The following TEKT5 variants were observed in gnomAD, a reference collection of about 807,000 sequenced individuals.
TEKT5 encodes tektin-5.
TEKT5 carries 52 observed loss-of-function variants against 48.7 expected under a neutral mutation model. The observed-to-expected ratio is 1.07, with a 90% confidence interval of 0.86 to 1.35. The LOEUF (loss-of-function observed/expected upper bound fraction) is 1.35. Ranked by LOEUF, TEKT5 falls within the 40% of genes most tolerant of loss-of-function variation. TEKT5 has a pLI of 0.00. For missense variants in TEKT5, 831 were observed against 641.6 expected, an observed-to-expected ratio of 1.30 and a Z score of -3.19; for synonymous variants, 318 against 267.6, an observed-to-expected ratio of 1.19 and a Z score of -1.84.
At chr16:10,641,091 A>C (rs1897987917) in intron 5 of TEKT5, among the ~76,000 whole-genome samples, 1 of 152,208 alleles carries the variant, frequency 6.6e-6, no homozygotes, top group Middle Eastern at 3.2e-3. Context: ...TCCCACCAGC[A>C]GTATTCACGA....
At chr16:10,659,099 A>T (rs1028941929) in intron 5 of TEKT5, among the ~76,000 whole-genome samples, 6 of 152,138 alleles carry the variant, frequency 3.9e-5, no homozygotes, top group Non-Finnish European at 7.4e-5. Flanking sequence ...TACCCACTAA[A>T]TGCCAGTAGC....
At chr16:10,689,044 T>A (rs535982194) in intron 3 of TEKT5, among the ~76,000 whole-genome samples, 5 of 151,880 alleles carry the variant, frequency 3.3e-5, no homozygotes, top group Admixed American at 6.6e-5. Flanking sequence ...GCCACTGTGG[T>A]AACATTTACA....
Position 10,675,989 on chromosome 16 carries a change from C to A in TEKT5, c.1056G>T (p.Val352=). ...FNARISEVTD[V]KNKLQTQLAK... Reference sequence around the variant, plus strand: ...CCAGCTGCGTCTGCAGCTTATTCTTCACATCCGTCACCTCAGAGATGCGGG... The same window carrying A: ...CCAGCTGCGTCTGCAGCTTATTCTTAACATCCGTCACCTCAGAGATGCGGG... The change falls in exon 5 of 7, where the codon GTG becomes GTT. Residue 352 remains valine (V), a synonymous_variant. Coordinates refer to ENST00000283025, the MANE Select transcript of TEKT5 (RefSeq NM_144674.2). 1 of 1,614,218 alleles carries A rather than the reference C, an allele frequency of 6.2e-7. No individual in the cohort carries two copies.
At chr16:10,666,978 C>CTT (rs201657619) in intron 5 of TEKT5, among the ~76,000 whole-genome samples, 12,102 of 123,372 alleles carry the variant, frequency 0.098, 888 homozygotes, top group East Asian at 0.21. Flanking sequence ...TGGCTCCTTA[C>CTT]TTTTTTTTTT....
chr16:10,638,965 A>G (rs889528930), intron 5 of TEKT5, among the ~76,000 whole-genome samples: 2 of 152,200 alleles, frequency 1.3e-5, no homozygotes, highest in African/African-American at 4.8e-5. Context: ...TAGACTAGTG[A>G]TAAGTGACAA....
chr16:10,688,629 C>T (rs975582672), intron 3 of TEKT5, among the ~76,000 whole-genome samples: 28 of 152,194 alleles, frequency 1.8e-4, no homozygotes, highest in Admixed American at 9.8e-4. Flanking sequence ...GAGGCGGCTG[C>T]TTTCGGGGGA....
chr16:10,686,955 G>A (rs533923601), intron 3 of TEKT5, among the ~76,000 whole-genome samples: 24 of 152,262 alleles, frequency 1.6e-4, no homozygotes, highest in Middle Eastern at 3.4e-3. Flanking sequence ...AAGCCTATAG[G>A]ATATAATGTA....
intron 5 of TEKT5, among the ~76,000 whole-genome samples, chr16:10,655,860 C>A (rs1368698985): frequency 6.6e-6 from 1 of 152,120 alleles, no homozygotes; most frequent in African/African-American, 2.4e-5. Flanking sequence ...TACCATGAAG[C>A]CATCTTGCAA....
At chr16:10,688,253 G>A (rs570109076) in intron 3 of TEKT5, among the ~76,000 whole-genome samples, 1 of 152,278 alleles carries the variant, frequency 6.6e-6, no homozygotes, top group African/African-American at 2.4e-5. Context: ...CTTTCTAGGG[G>A]TCTCCAATGT....
At chr16:10,654,929 C>T (rs1278672646) in intron 5 of TEKT5, among the ~76,000 whole-genome samples, 1 of 56,954 alleles carries the variant, frequency 1.8e-5, no homozygotes, top group African/African-American at 6.5e-5. Flanking sequence ...CTGTCTCCCC[C>T]CCCTCCCCTC....
chr16:10,634,000 C>A (rs1252275221), intron 6 of TEKT5, among the ~76,000 whole-genome samples: 2 of 152,216 alleles, frequency 1.3e-5, no homozygotes, highest in Admixed American at 1.3e-4. Context: ...CTTCTCCTAA[C>A]TGATAGCTCT....
chr16:10,694,794 A>G lies in TEKT5; in HGVS notation c.80T>C (p.Val27Ala), dbSNP rs1899055269. 6.2e-7 allele frequency: 1 copy of G among 1,613,138 alleles called. No homozygotes were observed. Among genetic ancestry groups the G allele is most frequent in the Non-Finnish European group, 8.5e-7 (1 of 1,179,522 alleles). Reference protein sequence around the residue: ...KCCGLTSLPAVQAPVIQECYQ... With the variant: ...KCCGLTSLPAAQAPVIQECYQ... ...GCATTCCTGGATCACTGGCGCCTGT[A>G]CAGCTGGCAGTGAGGTCAAGCCACA... is the stretch of plus-strand genomic sequence containing the variant. Residue 27 changes from valine to alanine, a missense_variant, in exon 1 of 7, where the codon GTA becomes GCA. Physicochemically the swap from Val to Ala is moderately conservative, Grantham distance 64. Coordinates refer to ENST00000283025, the MANE Select transcript of TEKT5 (RefSeq NM_144674.2).
rs1315035439 is a variant in TEKT5 at position 10,674,646 on chromosome 16, G to C, written c.1086+1313C>G. 4.3e-5 allele frequency among the ~76,000 whole-genome samples: 6 copies of C among 140,754 alleles called. No individual in the cohort carries two copies. In the East Asian group the frequency reaches 1.0e-3, roughly 24 times the overall value. The allele number at this position is 140,754 out of a possible 152,430, so 92.3% of individuals were successfully genotyped here. On this transcript the variant is annotated intron_variant, in intron 5 of 6. Transcript: ENST00000283025. Reference sequence around the variant, plus strand: ...AAAAAAAAAAAAAAAAAAAAACAGAGAGAGAAGAAAAGAAAAATAAACTTT... The same window carrying C: ...AAAAAAAAAAAAAAAAAAAAACAGACAGAGAAGAAAAGAAAAATAAACTTT...
chr16:10,688,616 G>C (rs28616176), intron 3 of TEKT5, among the ~76,000 whole-genome samples: 19,855 of 152,272 alleles, frequency 0.13, 1,413 homozygotes, highest in African/African-American at 0.18. Flanking sequence ...TGCAGGTGGA[G>C]GTGAGGCGGC....
At chr16:10,629,820 T>A (rs368212545) in intron 6 of TEKT5, among the ~76,000 whole-genome samples, 170 of 152,362 alleles carry the variant, frequency 1.1e-3, no homozygotes, top group African/African-American at 3.7e-3. Context: ...ATCTCTGTGA[T>A]GCACTTCAAG....
At chr16:10,674,014 AG>A (rs1898596732) in intron 5 of TEKT5, among the ~76,000 whole-genome samples, 1 of 152,160 alleles carries the variant, frequency 6.6e-6, no homozygotes. Context: ...AATCAACAAA[AG>A]GACAAGCTTG....
chr16:10,684,893 G>A (rs1212424240), intron 3 of TEKT5, among the ~76,000 whole-genome samples: 5 of 152,216 alleles, frequency 3.3e-5, no homozygotes, highest in Non-Finnish European at 7.4e-5. Flanking sequence ...ACCCTGCCCA[G>A]ATGCGGGCCT....
chr16:10,647,971 C>T (rs1898096790), intron 5 of TEKT5, among the ~76,000 whole-genome samples: 1 of 152,238 alleles, frequency 6.6e-6, no homozygotes, highest in Non-Finnish European at 1.5e-5. Context: ...TTTTACACAA[C>T]AATCACTTGT....
At chr16:10,685,485 C>T (rs1286985533) in intron 3 of TEKT5, among the ~76,000 whole-genome samples, 4 of 152,040 alleles carry the variant, frequency 2.6e-5, no homozygotes, top group African/African-American at 7.2e-5. Context: ...TTAGTAGAGA[C>T]GGGGTTTCAC....
Sources: gnomAD v4.1 joint callset for allele counts (sites outside exome capture counted in the v4.1 genomes callset) on GRCh38, gnomAD v4.1.1 for gene constraint, MANE v1.5 for transcripts, NCBI Gene and HGNC (gene_info 2026-07-23, HGNC 2026-07-21) for gene names.